The following TSPAN32 variants were observed in gnomAD, a reference collection of about 807,000 sequenced individuals.
The protein encoded by TSPAN32 is tetraspanin 32, also known as tetraspanin-32.
In TSPAN32, 47 loss-of-function variants were observed where a neutral mutation model predicts 42.7. That is an observed-to-expected ratio of 1.10 (90% CI 0.87 to 1.40). TSPAN32 has a LOEUF of 1.40. Among genes scored for constraint, TSPAN32 ranks in the 40% most tolerant of loss-of-function variants. TSPAN32 has a pLI of 0.00. For missense variants in TSPAN32, 469 were observed against 424.1 expected (o/e 1.11, Z -0.93); for synonymous variants, 175 against 175.9 (o/e 0.99, Z 0.04).
chr11:2,317,944 G>A lies in TSPAN32; in HGVS notation c.*20G>A. 1 of 898,564 alleles carries A rather than the reference G, an allele frequency of 1.1e-6. No individual in the cohort carries two copies. Among genetic ancestry groups the A allele is most frequent in the Non-Finnish European group, 1.9e-6 (1 of 529,006 alleles). 55.7% of individuals were successfully genotyped at this position (898,564 alleles called of 1,614,324 possible). ...GACTGACGTCAGGCCTTGGTGGGCT[G>A]CACTCTCACCTGGAGGCTCCGGGGA... On this transcript the variant is annotated 3_prime_UTR_variant, in exon 10 of 10. Coordinates refer to ENST00000182290, the MANE Select transcript of TSPAN32 (RefSeq NM_139022.3). This position sits in a 1 kb window ranked among gnomAD's most constrained non-coding sequence, Gnocchi z 6.2.
intron 5 of TSPAN32, among the ~76,000 whole-genome samples, chr11:2,314,006 G>A (rs949856473): frequency 1.4e-4 from 22 of 152,108 alleles, no homozygotes; most frequent in Middle Eastern, 3.4e-3. Flanking sequence ...CAGAAACACT[G>A]AAGGATTTCA....
chr11:2,303,979 G>C (rs897955157), intron 2 of TSPAN32, 128 bp from the exon 3 acceptor site: 22 of 672,762 alleles, frequency 3.3e-5, no homozygotes, highest in Non-Finnish European at 5.2e-5. Flanking sequence ...GGAGAGACAG[G>C]CCCATTCAGA....
chr11:2,303,077 G>A, intron 2 of TSPAN32, 119 bp downstream of exon 2: 1 of 916,356 alleles, frequency 1.1e-6, no homozygotes, highest in South Asian at 1.6e-5. Flanking sequence ...AGGAGCCAGA[G>A]GTGGTCAGGG....
intron 4 of TSPAN32, among the ~76,000 whole-genome samples, chr11:2,310,205 G>T (rs1472719552): frequency 6.6e-6 from 1 of 152,168 alleles, no homozygotes; most frequent in East Asian, 1.9e-4. Flanking sequence ...GCTCGTCTGG[G>T]GCAGCTGCGG....
At position 2,308,744 on chromosome 11, in the gene TSPAN32, G is replaced by T; in HGVS notation, c.288G>T (p.Leu96=). Residue 96 remains leucine, a synonymous_variant, in exon 4 of 10, where the codon CTG becomes CTT. Transcript: ENST00000182290. ...CCCCGCTCTGCCCCCAGGGCTTCCT[G>T]TGCTTCTCCCTGGCGTTCTGCGCAC... The part of the protein sequence containing the change: ...EAQGLMAGGF[L]CFSLAFCAQV... 6.4e-7 allele frequency: 1 copy of T among 1,572,202 alleles called. No individual in the cohort carries two copies. Among genetic ancestry groups the T allele is most frequent in the Non-Finnish European group, 8.6e-7 (1 of 1,159,222 alleles).
At chr11:2,316,202 G>A in intron 6 of TSPAN32, 27 bp from the exon 7 acceptor site, 1 of 1,535,038 alleles carries the variant, frequency 6.5e-7, no homozygotes, top group South Asian at 1.3e-5. Context: ...GCTCAGGGCG[G>A]GTACCATGCC....
rs1176550868 is a variant in TSPAN32, at chr11:2,316,419, G to C, written c.627+107G>C. The C allele has an allele frequency of 3.9e-6, 6 of 1,544,380 alleles. No individual in the cohort carries two copies. In the African/African-American group the frequency reaches 6.8e-5, roughly 18 times the overall value. The stretch of plus-strand genomic sequence containing the variant: ...CCCGGGACAGGATCTCTGGTCTTGA[G>C]CCTCACTGGCTGCCAACCTCAGGGA... On this transcript the variant is annotated intron_variant, in intron 7 of 9. Transcript: ENST00000182290.
At position 2,314,971 on chromosome 11, in the gene TSPAN32, G is replaced by C. The variant is rs892813680; in HGVS notation, c.543+400G>C. 128 of 308,040 alleles carry C rather than the reference G, an allele frequency of 4.2e-4. 1 individual carries two copies. The highest frequency in any genetic ancestry group is 6.9e-4 in the Non-Finnish European group (110 of 159,488). 19.1% of individuals were successfully genotyped at this position (308,040 alleles called of 1,614,324 possible). On this transcript the variant is annotated intron_variant, in intron 6 of 9. Transcript: ENST00000182290. ...GGCTGGTGTGGTGGGCTCTGTCTAG[G>C]GGGAAGGGTGCAGGCGTCCTGGGGG...
At chr11:2,307,004 A>AGAGGGGGAGGGTGGAGG (rs1848157477) in intron 3 of TSPAN32, 1 of 121,584 alleles carries the variant, frequency 8.2e-6, no homozygotes, top group African/African-American at 3.3e-5. Flanking sequence ...AGGAGAAGAA[A>AGAGGGGGAGGGTGGAGG]GAGGGGGAGG....
intron 6 of TSPAN32, 128 bp from the exon 7 acceptor site, chr11:2,316,101 G>A (rs781233233): frequency 1.2e-5 from 18 of 1,526,892 alleles, no homozygotes; most frequent in African/African-American, 6.9e-5. Context: ...GGAATGTGCC[G>A]CACCCGCCGC....
rs1179818253 is a variant in TSPAN32, at chr11:2,314,542, C to CTGTG, written c.516_519dup (p.Gln174ValfsTer106). On this transcript the variant is annotated frameshift_variant, in exon 6 of 10. Transcript: ENST00000182290. LOFTEE classifies it high-confidence loss of function. ...CCGTCTGGGGAGCACAGAGGCTGAC[C>CTGTG]TGTGTCAGGGAGAGGAGGCGGCGAG... 27 of 1,612,052 alleles carry CTGTG rather than the reference C, an allele frequency of 1.7e-5. No homozygotes were observed. Among genetic ancestry groups the CTGTG allele is most frequent in the Non-Finnish European group, 1.8e-5 (21 of 1,179,312 alleles).
chr11:2,315,082 G>A (rs924120045), intron 6 of TSPAN32: 4 of 363,750 alleles, frequency 1.1e-5, no homozygotes, highest in African/African-American at 6.8e-5. Flanking sequence ...AGCGGGGCCC[G>A]AGGCCAGGAA....
chr11:2,316,133 T>C, intron 6 of TSPAN32, 96 bp from the exon 7 acceptor site: 1 of 1,519,848 alleles, frequency 6.6e-7, no homozygotes. Context: ...GGCATTGGCC[T>C]AGGTGGGCGC....
intron 6 of TSPAN32, chr11:2,315,090 G>A (rs935576073): frequency 2.5e-6 from 1 of 397,006 alleles, no homozygotes; most frequent in African/African-American, 2.2e-5. Context: ...CCGAGGCCAG[G>A]AAGCCTTTCC....
intron 6 of TSPAN32, chr11:2,315,169 CCACCCT>C: frequency 1.5e-6 from 1 of 656,720 alleles, no homozygotes; most frequent in Non-Finnish European, 2.1e-6. Flanking sequence ...CTCCCCCAGC[CCACCCT>C]GCCCCCTCCC....
intron 3 of TSPAN32, among the ~76,000 whole-genome samples, chr11:2,307,158 G>A (rs944969785): frequency 2.0e-5 from 3 of 152,154 alleles, no homozygotes; most frequent in Admixed American, 6.5e-5. Context: ...CCCTGTCCCT[G>A]CAGGGCTGGA....
At chr11:2,312,996 G>C (rs1277549388) in intron 4 of TSPAN32, among the ~76,000 whole-genome samples, 1 of 152,176 alleles carries the variant, frequency 6.6e-6, no homozygotes, top group Admixed American at 6.5e-5. Context: ...TCTTGCTTAG[G>C]AGGGTGGAGA....
chr11:2,305,907 G>A (rs1025123969), intron 3 of TSPAN32, among the ~76,000 whole-genome samples: 17 of 152,366 alleles, frequency 1.1e-4, no homozygotes, highest in African/African-American at 4.1e-4. Flanking sequence ...GGAGACCCCA[G>A]TCAAGAGACC....
chr11:2,302,955 T>C lies in TSPAN32; in HGVS notation c.178T>C (p.Trp60Arg). The change falls in exon 2 of 10, where the codon TGG (tryptophan) becomes CGG (arginine). Residue 60 changes from tryptophan to arginine, a missense_variant. Trp to Arg is a moderately radical substitution (Grantham distance 101, BLOSUM62 -3). Transcript: ENST00000182290. Reference sequence around the variant, plus strand: ...GAACCCGTACCAGGCTGTGCACCAATGGGGTAAGTGAGGTCCAGGCCTGGC... The same window carrying C: ...GAACCCGTACCAGGCTGTGCACCAACGGGGTAAGTGAGGTCCAGGCCTGGC... The part of the protein sequence containing the change: ...EKNPYQAVHQ[W>R]AFSAGLSLVG... The C allele has an allele frequency of 1.2e-6, 2 of 1,612,756 alleles. No individual in the cohort carries two copies. The highest frequency in any genetic ancestry group is 1.7e-6 in the Non-Finnish European group (2 of 1,179,386).
Sources: allele counts gnomAD v4.1 joint callset (sites outside exome capture counted in the v4.1 genomes callset), GRCh38; gene constraint gnomAD v4.1.1; non-coding constraint Gnocchi (gnomAD v3.1); transcripts MANE v1.5; gene names NCBI Gene and HGNC (gene_info 2026-07-23, HGNC 2026-07-21).